CACNA2D3: variants seen among roughly 807,000 people sequenced by gnomAD.
CACNA2D3 encodes calcium voltage-gated channel auxiliary subunit alpha2delta 3, also known as voltage-dependent calcium channel subunit alpha-2/delta-3.
CACNA2D3 carries 60 observed loss-of-function variants against 160.6 expected under a neutral mutation model. The observed-to-expected ratio is 0.37, with a 90% CI of 0.30 to 0.46. The LOEUF (loss-of-function observed/expected upper bound fraction) is 0.46. Among genes scored for constraint, CACNA2D3 ranks in the 20% least tolerant of loss-of-function variants. CACNA2D3 has a pLI of 1.00. For synonymous variants in CACNA2D3, 558 were observed against 492.9 expected (o/e 1.13, Z -1.75); for missense variants, 1,205 against 1,365.0 (o/e 0.88, Z 1.85).
At chr3:54,858,453 G>C (rs904577115) in intron 17 of CACNA2D3, among the ~76,000 whole-genome samples, 4 of 152,224 alleles carry the variant, frequency 2.6e-5, no homozygotes, top group African/African-American at 7.2e-5. Context: ...TCTTCCATCT[G>C]TGACAGCCTG....
intron 4 of CACNA2D3, among the ~76,000 whole-genome samples, chr3:54,473,309 T>C (rs530033081): frequency 3.3e-4 from 50 of 152,126 alleles, no homozygotes; most frequent in African/African-American, 1.1e-3. Context: ...ATAAATGGTG[T>C]TGGGAAAACT....
At chr3:54,875,057 C>G (rs566023106) in intron 18 of CACNA2D3, 15 of 152,256 alleles carry the variant, frequency 9.9e-5, no homozygotes, top group African/African-American at 3.6e-4. Context: ...CCCATGATGA[C>G]TCTGATGGAA....
chr3:54,183,890 A>AAT (rs1700829534), intron 2 of CACNA2D3, among the ~76,000 whole-genome samples: 1 of 115,208 alleles, frequency 8.7e-6, no homozygotes, highest in Non-Finnish European at 1.8e-5. Context: ...CGTCTCAAAA[A>AAT]AGAAAAAAAA....
intron 29 of CACNA2D3, among the ~76,000 whole-genome samples, chr3:54,972,547 GT>G (rs1219037226): frequency 6.7e-6 from 1 of 148,612 alleles, no homozygotes; most frequent in Non-Finnish European, 1.5e-5. Flanking sequence ...GGCTCATTAA[GT>G]TCAGTGGTCT....
chr3:54,394,330 T>TTTATTA (rs1164928806), intron 4 of CACNA2D3, among the ~76,000 whole-genome samples: 1 of 151,290 alleles, frequency 6.6e-6, no homozygotes, highest in African/African-American at 2.4e-5. Context: ...TTTTTTTTTT[T>TTTATTA]TTATTATTAT....
At position 54,374,100 on chromosome 3, in the gene CACNA2D3, A is replaced by G. The variant is rs537143778; in HGVS notation, c.322-12615A>G. On this transcript the variant is annotated intron_variant, in intron 3 of 37. Transcript: ENST00000474759. ...GGCGTTTCAAGTAGGCAGGGGTTTAATAAAGGGAATTAAAGGCTTATTTGA... is the reference window on the plus strand; with the variant it reads ...GGCGTTTCAAGTAGGCAGGGGTTTAGTAAAGGGAATTAAAGGCTTATTTGA... 5.3e-5 allele frequency among the ~76,000 whole-genome samples: 8 copies of G among 152,306 alleles called. No individual in the cohort carries two copies. In the East Asian group the frequency reaches 1.5e-3, roughly 29 times the overall value.
In CACNA2D3 at chr3:54,215,529, T is replaced by G. The variant is rs115173204; in HGVS notation, c.204+91935T>G. ...TTACACACATGTGGGTTTGGCCTTT[T>G]GATTTTAGAAGCCAAGATCTAGCTT... On this transcript the variant is annotated intron_variant, in intron 2 of 37. Coordinates refer to ENST00000474759, the MANE Select transcript of CACNA2D3 (RefSeq NM_018398.3). Among the ~76,000 whole-genome samples, 1,362 of 152,294 alleles carry G rather than the reference T, an allele frequency of 8.9e-3. 17 individuals are homozygous for G. The highest frequency in any genetic ancestry group is 0.031 in the African/African-American group (1,285 of 41,544).
At chr3:54,837,360 C>T (rs1401979866) in intron 15 of CACNA2D3, 130 bp downstream of exon 15, 2 of 769,086 alleles carry the variant, frequency 2.6e-6, no homozygotes, top group South Asian at 1.7e-5. Flanking sequence ...ATTGTTTGAT[C>T]TTGCTGTTAG....
intron 2 of CACNA2D3, among the ~76,000 whole-genome samples, chr3:54,124,939 T>C (rs1441175500): frequency 6.6e-6 from 1 of 152,220 alleles, no homozygotes; most frequent in East Asian, 1.9e-4. Flanking sequence ...AATTGCCTCT[T>C]TCCCTAGTAT....
At chr3:54,845,789 G>C (rs927776950) in intron 16 of CACNA2D3, among the ~76,000 whole-genome samples, 13 of 152,216 alleles carry the variant, frequency 8.5e-5, no homozygotes, top group African/African-American at 2.9e-4. Context: ...TGTGTTGATG[G>C]AAGCATGCAT....
At chr3:54,908,936 C>T (rs547153389) in intron 27 of CACNA2D3, among the ~76,000 whole-genome samples, 296 of 152,312 alleles carry the variant, frequency 1.9e-3, no homozygotes, top group African/African-American at 6.7e-3. Flanking sequence ...AACCCAACTT[C>T]ACATGAAAAT....
intron 11 of CACNA2D3, among the ~76,000 whole-genome samples, chr3:54,644,480 G>A (rs1575402604): frequency 1.3e-5 from 2 of 152,116 alleles, no homozygotes; most frequent in South Asian, 4.1e-4. Flanking sequence ...CATAAAAACC[G>A]AATACGATTC....
intron 11 of CACNA2D3, among the ~76,000 whole-genome samples, chr3:54,644,546 T>C (rs576349325): frequency 1.4e-4 from 21 of 152,354 alleles, no homozygotes; most frequent in Middle Eastern, 3.4e-3. Context: ...CTTTCTCCAT[T>C]ATTTTGAATG....
intron 2 of CACNA2D3, among the ~76,000 whole-genome samples, chr3:54,145,441 C>T (rs1559861565): frequency 6.6e-6 from 1 of 152,172 alleles, no homozygotes; most frequent in Non-Finnish European, 1.5e-5. Flanking sequence ...GCTCTAGACA[C>T]TGTAAAGAAT....
chr3:54,755,259 T>C (rs890027083), intron 12 of CACNA2D3, among the ~76,000 whole-genome samples: 1 of 152,054 alleles, frequency 6.6e-6, no homozygotes, highest in Non-Finnish European at 1.5e-5. Flanking sequence ...CCCTGCTGAA[T>C]TGGGGGTGGG....
chr3:54,370,087 A>G (rs572482345), intron 3 of CACNA2D3, among the ~76,000 whole-genome samples: 17 of 152,350 alleles, frequency 1.1e-4, no homozygotes, highest in African/African-American at 2.4e-5. Context: ...GAGGTGGGCT[A>G]TAAATAAACA....
At chr3:55,064,100 G>C (rs1471057808) in intron 35 of CACNA2D3, among the ~76,000 whole-genome samples, 1 of 152,064 alleles carries the variant, frequency 6.6e-6, no homozygotes, top group Non-Finnish European at 1.5e-5. Context: ...TACCTGGTGG[G>C]GTGCGCAGCT....
At chr3:54,432,917 T>G (rs1300842360) in intron 4 of CACNA2D3, among the ~76,000 whole-genome samples, 1 of 152,170 alleles carries the variant, frequency 6.6e-6, no homozygotes, top group Non-Finnish European at 1.5e-5. Flanking sequence ...TGGTTTGATG[T>G]CATGGTCTTT....
chr3:54,421,554 A>G (rs981859755), intron 4 of CACNA2D3, among the ~76,000 whole-genome samples: 52 of 152,074 alleles, frequency 3.4e-4, no homozygotes, highest in Admixed American at 2.7e-3. Context: ...ATGGGATTCT[A>G]TATACCCTTC....
Sources: gnomAD v4.1 joint callset for allele counts (sites outside exome capture counted in the v4.1 genomes callset) on GRCh38, gnomAD v4.1.1 for gene constraint, MANE v1.5 for transcripts, NCBI Gene and HGNC (gene_info 2026-07-23, HGNC 2026-07-21) for gene names.